Variants in NRCAM observed in about 807,000 individuals in gnomAD.
The protein encoded by NRCAM is NgCAM-related cell adhesion molecule.
In NRCAM, 83 loss-of-function variants were observed where a neutral mutation model predicts 156.5. That is an observed-to-expected ratio of 0.53 (90% CI 0.44 to 0.64). NRCAM has a LOEUF of 0.64. Among genes scored for constraint, NRCAM ranks in the 30% least tolerant of loss-of-function variants. The pLI, the probability that NRCAM is intolerant of heterozygous loss-of-function variation, is 0.00. For synonymous variants in NRCAM, 538 were observed against 563.9 expected, an observed-to-expected ratio of 0.95 and a Z score of 0.65; for missense variants, 1,417 against 1,597.3, an observed-to-expected ratio of 0.89 and a Z score of 1.92.
intron 17 of NRCAM, 36 bp from the exon 18 acceptor site, chr7:108,191,889 A>T: frequency 6.2e-7 from 1 of 1,600,866 alleles, no homozygotes. Flanking sequence ...GCTGAAATGG[A>T]CATGCAGCCG....
chr7:108,439,858 C>T (rs1480220082), intron 1 of NRCAM, among the ~76,000 whole-genome samples: 1 of 131,716 alleles, frequency 7.6e-6, no homozygotes, highest in African/African-American at 2.9e-5. Context: ...AAAAAAAGGA[C>T]AGGCAATACT....
chr7:108,329,295 A>G (rs1296909127), intron 2 of NRCAM, among the ~76,000 whole-genome samples: 4 of 152,238 alleles, frequency 2.6e-5, no homozygotes, highest in Non-Finnish European at 5.9e-5. Flanking sequence ...ATTAGAGTGC[A>G]TAATACATTA....
At position 108,176,519 on chromosome 7, in the gene NRCAM, C is replaced by T; in HGVS notation, c.3062G>A (p.Ser1021Asn). 6.2e-7 allele frequency: 1 copy of T among 1,613,610 alleles called. No individual in the cohort carries two copies. ...TRWTLKNLNFSTRYKFYFYAQ... is the reference protein window; with the variant it reads ...TRWTLKNLNFNTRYKFYFYAQ... ...ATAGAAATAAAACTTATATCGAGTG[C>T]TGAAATTTAAATTTTTTAAAGTCCA... The change falls in exon 27 of 33, where the codon AGC becomes AAC. Residue 1021 changes from serine (S) to asparagine (N), a missense_variant. Ser to Asn is a conservative substitution (Grantham distance 46). Coordinates refer to ENST00000379028, the MANE Select transcript of NRCAM (RefSeq NM_001037132.4).
chr7:108,296,568 G>T (rs2098457987), intron 3 of NRCAM, among the ~76,000 whole-genome samples: 1 of 152,102 alleles, frequency 6.6e-6, no homozygotes, highest in Non-Finnish European at 1.5e-5. Context: ...TTAGCCAGCA[G>T]GTCAGGATGG....
At chr7:108,429,653 T>C (rs1366820649) in intron 1 of NRCAM, among the ~76,000 whole-genome samples, 1 of 152,258 alleles carries the variant, frequency 6.6e-6, no homozygotes, top group African/African-American at 2.4e-5. Context: ...CAGTGACATG[T>C]ACGGTGACTT....
At chr7:108,425,595 T>G (rs1456074778) in intron 1 of NRCAM, among the ~76,000 whole-genome samples, 1 of 152,228 alleles carries the variant, frequency 6.6e-6, no homozygotes, top group Non-Finnish European at 1.5e-5. Flanking sequence ...TAATTATCCC[T>G]GACTTTATAG....
intron 32 of NRCAM, among the ~76,000 whole-genome samples, chr7:108,159,114 C>T (rs73412325): frequency 0.16 from 24,273 of 152,034 alleles, 2,583 homozygotes; most frequent in African/African-American, 0.31. Context: ...ACAAGTATAG[C>T]TTTCTTTACA....
At chr7:108,182,263 A>G (rs909185136) in intron 23 of NRCAM, among the ~76,000 whole-genome samples, 13 of 152,302 alleles carry the variant, frequency 8.5e-5, no homozygotes, top group African/African-American at 3.1e-4. Context: ...GCATGGGTCC[A>G]CTTACACTTG....
At chr7:108,163,518 G>A (rs2050766354) in intron 30 of NRCAM, among the ~76,000 whole-genome samples, 1 of 152,202 alleles carries the variant, frequency 6.6e-6, no homozygotes, top group African/African-American at 2.4e-5. Flanking sequence ...GATGTGTTTA[G>A]GAAGAGCAAA....
chr7:108,256,457 A>T (rs1244932963), intron 3 of NRCAM, among the ~76,000 whole-genome samples: 1 of 149,852 alleles, frequency 6.7e-6, no homozygotes, highest in Non-Finnish European at 1.5e-5. Context: ...CCACTCCCTA[A>T]TCTCAAGTAC....
intron 32 of NRCAM, among the ~76,000 whole-genome samples, chr7:108,157,793 T>C (rs868074467): frequency 6.6e-6 from 1 of 152,126 alleles, no homozygotes; most frequent in Non-Finnish European, 1.5e-5. Flanking sequence ...TGGTGAGTAG[T>C]ATGTTGCTAG....
At position 108,170,209 on chromosome 7, in the gene NRCAM, C is replaced by T. The variant is rs952428835; in HGVS notation, c.3188-1807G>A. ...ATATTTACACAATGGAATATTATTC[C>T]GACTTTAAAAAAAAAGGAAATCCTG... On this transcript the variant is annotated intron_variant, in intron 28 of 32. Transcript: ENST00000379028. Among the ~76,000 whole-genome samples the T allele has an allele frequency of 2.6e-5, 4 of 151,586 alleles. No homozygotes were observed. In the East Asian group the frequency reaches 5.8e-4, roughly 22 times the overall value.
chr7:108,270,621 A>G (rs2097307881), intron 3 of NRCAM, among the ~76,000 whole-genome samples: 1 of 152,236 alleles, frequency 6.6e-6, no homozygotes, highest in African/African-American at 2.4e-5. Context: ...CAAGAACCGC[A>G]AGGTAGAAAC....
chr7:108,338,248 C>A (rs1351580702), intron 2 of NRCAM, among the ~76,000 whole-genome samples: 1 of 152,252 alleles, frequency 6.6e-6, no homozygotes, highest in African/African-American at 2.4e-5. Flanking sequence ...GGGTCCTAAC[C>A]ATGACTTTCT....
In NRCAM at chr7:108,213,851, G is replaced by A. The variant is rs199503888; in HGVS notation, c.891-4246C>T. Among the ~76,000 whole-genome samples the A allele has an allele frequency of 5.3e-5, 8 of 152,228 alleles. No homozygotes were observed. In the East Asian group the frequency reaches 1.5e-3, roughly 29 times the overall value. On this transcript the variant is annotated intron_variant, in intron 11 of 32. Coordinates refer to ENST00000379028, the MANE Select transcript of NRCAM (RefSeq NM_001037132.4). ...AGGCCTTTTCTGCATCTATTAAGAT[G>A]ATCATGTGGTTTTTGTCACTGGTTC...
At chr7:108,430,914 G>A (rs1320001752) in intron 1 of NRCAM, among the ~76,000 whole-genome samples, 1 of 152,084 alleles carries the variant, frequency 6.6e-6, no homozygotes, top group Non-Finnish European at 1.5e-5. Flanking sequence ...TGCACTGTAA[G>A]GTTTTGCTTG....
chr7:108,174,099 T>G (rs912158335), intron 28 of NRCAM, among the ~76,000 whole-genome samples: 1 of 152,214 alleles, frequency 6.6e-6, no homozygotes, highest in Non-Finnish European at 1.5e-5. Flanking sequence ...ATGATTTTAA[T>G]TGATATCTAA....
chr7:108,236,819 T>C (rs2153786183), intron 5 of NRCAM, among the ~76,000 whole-genome samples: 1 of 151,096 alleles, frequency 6.6e-6, no homozygotes, highest in South Asian at 2.1e-4. Context: ...CAAGGAATAG[T>C]GGCCATAGGG....
chr7:108,375,280 T>C (rs16872517), intron 2 of NRCAM, among the ~76,000 whole-genome samples: 11,469 of 152,078 alleles, frequency 0.075, 446 homozygotes, highest in East Asian at 0.12. Flanking sequence ...ACTGAATGAA[T>C]CAATGAATAA....
Sources: gnomAD v4.1 joint callset for allele counts (sites outside exome capture counted in the v4.1 genomes callset) on GRCh38, gnomAD v4.1.1 for gene constraint, MANE v1.5 for transcripts, NCBI Gene and HGNC (gene_info 2026-07-23, HGNC 2026-07-21) for gene names.